SAFB: variants seen among roughly 807,000 people sequenced by gnomAD.
SAFB encodes scaffold attachment factor B1.
SAFB carries 15 observed loss-of-function variants against 101.6 expected under a neutral mutation model. That is an observed-to-expected ratio of 0.15 (90% confidence interval 0.10 to 0.23). The LOEUF is 0.23. SAFB is among the 10% of genes least tolerant of loss of function. The probability of loss-of-function intolerance (pLI) is 1.00; values close to 1 mark genes in which losing one functional copy is unlikely to be tolerated. For missense variants in SAFB, 930 were observed against 1,104.1 expected (o/e 0.84, Z 2.23); for synonymous variants, 449 against 407.5 (o/e 1.10, Z -1.23).
chr19:5,634,763 CCAAAAGAT>C (rs777288290), intron 2 of SAFB, among the ~76,000 whole-genome samples: 16 of 152,220 alleles, frequency 1.1e-4, no homozygotes, highest in South Asian at 2.1e-4. Context: ...GGCCTAGAGA[CCAAAAGAT>C]TCCCTTGCTG....
intron 15 of SAFB, among the ~76,000 whole-genome samples, chr19:5,663,098 G>A (rs1037663052): frequency 3.3e-5 from 5 of 152,216 alleles, no homozygotes; most frequent in Admixed American, 2.6e-4. Context: ...CGCCTCCTGG[G>A]TTCAAGCAAT....
At chr19:5,633,554 C>T (rs557703225) in intron 2 of SAFB, among the ~76,000 whole-genome samples, 7 of 152,120 alleles carry the variant, frequency 4.6e-5, no homozygotes, top group Non-Finnish European at 1.0e-4. Context: ...CCGAGGCAGG[C>T]GGATCATGAG....
At position 5,667,151 on chromosome 19, in the gene SAFB, C is replaced by A; in HGVS notation, c.2440C>A (p.Pro814Thr). Reference protein sequence around the residue: ...DKRMSEGRGLPPPPRGRRDWG... With the variant: ...DKRMSEGRGLTPPPRGRRDWG... ...GAGGATGAGCGAGGGCCGGGGGCTG[C>A]CTCCTCCCCCCAGGTTTGTGTCCCA... The change falls in exon 18 of 21, where the codon CCT becomes ACT. Residue 814 changes from proline (P) to threonine (T), a missense_variant. By Grantham distance (38) the Pro-to-Thr change is conservative. Transcript: ENST00000588852. The surrounding 1 kb of genome is among the most constrained non-coding windows in gnomAD (Gnocchi z 4.0). 1 of 1,590,966 alleles carries A rather than the reference C, an allele frequency of 6.3e-7. No homozygotes were observed. Among genetic ancestry groups the A allele is most frequent in the Non-Finnish European group, 8.6e-7 (1 of 1,161,276 alleles).
chr19:5,649,809 T>C, intron 7 of SAFB, 117 bp from the exon 8 acceptor site: 1 of 939,436 alleles, frequency 1.1e-6, no homozygotes, highest in Non-Finnish European at 1.7e-6. Context: ...TGTCGGGGTA[T>C]CATTTTTTCA....
chr19:5,642,564 A>G (rs2053740721), intron 4 of SAFB, among the ~76,000 whole-genome samples: 1 of 151,858 alleles, frequency 6.6e-6, no homozygotes, highest in Admixed American at 6.6e-5. Context: ...TTTTCCTGTT[A>G]GAAACATATC....
rs1195499583 is a variant in SAFB at position 5,623,192 on chromosome 19, C to T, written c.-14C>T. ...GTTCTGTGGAAAGTGGGCGGCGGAG[C>T]CAGGGTCCCTGGAATGGCGGAGACT... On this transcript the variant is annotated 5_prime_UTR_variant, in exon 1 of 21. Coordinates refer to ENST00000588852, the MANE Select transcript of SAFB (RefSeq NM_001201338.2). 1.3e-6 allele frequency: 2 copies of T among 1,569,010 alleles called. No homozygotes were observed. The highest frequency in any genetic ancestry group is 2.4e-5 in the East Asian group (1 of 41,790).
intron 2 of SAFB, among the ~76,000 whole-genome samples, chr19:5,632,049 G>T (rs989122769): frequency 1.4e-4 from 22 of 151,958 alleles, no homozygotes. Flanking sequence ...ACTCTGTCTC[G>T]AAAAAATAAA....
intron 14 of SAFB, among the ~76,000 whole-genome samples, chr19:5,660,480 C>A (rs1246163984): frequency 6.6e-6 from 1 of 150,896 alleles, no homozygotes; most frequent in Non-Finnish European, 1.5e-5. Flanking sequence ...CCTCTGCCTC[C>A]CAAGTAGCTA....
chr19:5,629,489 C>T (rs575427691), intron 2 of SAFB, among the ~76,000 whole-genome samples: 6 of 152,092 alleles, frequency 3.9e-5, no homozygotes, highest in Middle Eastern at 3.4e-3. Flanking sequence ...TAAAAAAACC[C>T]GTGATCTTGC....
intron 1 of SAFB, among the ~76,000 whole-genome samples, chr19:5,624,316 TGCCTGGCGCATGTAAAC>T (rs2053290782): frequency 1.3e-5 from 2 of 151,952 alleles, no homozygotes; most frequent in Admixed American, 1.3e-4. Context: ...CTTGGCGTGC[TGCCTGGCGCATGTAAAC>T]ACTCGGTGTG....
intron 2 of SAFB, among the ~76,000 whole-genome samples, chr19:5,640,515 G>C (rs1397400498): frequency 6.6e-6 from 1 of 151,786 alleles, no homozygotes; most frequent in Non-Finnish European, 1.5e-5. Context: ...ACAAGTGCAC[G>C]AGATTGGCAC....
At chr19:5,643,024 G>A (rs1766321458) in intron 4 of SAFB, among the ~76,000 whole-genome samples, 2 of 152,014 alleles carry the variant, frequency 1.3e-5, no homozygotes, top group African/African-American at 2.4e-5. Flanking sequence ...ATTTTCAGTT[G>A]AGGAAATTGG....
intron 2 of SAFB, among the ~76,000 whole-genome samples, chr19:5,628,689 CCAGTGTCAGCCA>C (rs1211854067): frequency 6.6e-6 from 1 of 152,096 alleles, no homozygotes; most frequent in African/African-American, 2.4e-5. Flanking sequence ...GAGTCAGGCC[CCAGTGTCAGCCA>C]CAGTGTTTGG....
intron 9 of SAFB, among the ~76,000 whole-genome samples, chr19:5,652,633 AAC>A (rs1237637539): frequency 1.3e-5 from 2 of 152,218 alleles, no homozygotes; most frequent in Admixed American, 6.5e-5. Context: ...CAGTAACTGA[AAC>A]ACATCACTGC....
At chr19:5,647,923 T>A (rs1027141668) in intron 5 of SAFB, 93 bp from the exon 6 acceptor site, 2 of 1,202,636 alleles carry the variant, frequency 1.7e-6, no homozygotes, top group Non-Finnish European at 2.5e-6. Context: ...CCTGGATTTT[T>A]AAAATTCCCT....
At chr19:5,635,992 T>G (rs1432908004) in intron 2 of SAFB, among the ~76,000 whole-genome samples, 4 of 152,104 alleles carry the variant, frequency 2.6e-5, no homozygotes, top group African/African-American at 7.2e-5. Flanking sequence ...TCGTGATGAT[T>G]AATAAACATT....
intron 2 of SAFB, among the ~76,000 whole-genome samples, chr19:5,635,661 C>T (rs1398917627): frequency 1.3e-5 from 2 of 152,122 alleles, no homozygotes; most frequent in Admixed American, 6.6e-5. Flanking sequence ...GGGAGCATCC[C>T]AGCAGAAGTC....
intron 5 of SAFB, among the ~76,000 whole-genome samples, chr19:5,646,616 G>A (rs950489419): frequency 1.3e-5 from 2 of 152,210 alleles, no homozygotes; most frequent in African/African-American, 4.8e-5. Context: ...ATGGGGTAGG[G>A]TACATGGGGA....
rs1409028955 is a variant in SAFB, at chr19:5,667,229, T to C, written c.2453+65T>C. On this transcript the variant is annotated intron_variant, in intron 18 of 20. Coordinates refer to ENST00000588852, the MANE Select transcript of SAFB (RefSeq NM_001201338.2). The surrounding 1 kb of genome is among the most constrained non-coding windows in gnomAD (Gnocchi z 4.0). Reference sequence around the variant, plus strand: ...GCCCACAAGGGGGCCCGCAAGTCGCTGGGATGTGGGCACAGGGTGGGAAAC... The same window carrying C: ...GCCCACAAGGGGGCCCGCAAGTCGCCGGGATGTGGGCACAGGGTGGGAAAC... The C allele has an allele frequency of 8.2e-7, 1 of 1,216,150 alleles. No individual in the cohort carries two copies. Among genetic ancestry groups the C allele is most frequent in the Non-Finnish European group, 1.2e-6 (1 of 867,818 alleles). The allele number at this position is 1,216,150 out of a possible 1,614,324, so 75.3% of individuals were successfully genotyped here. A position where few individuals can be genotyped will look rare whatever the true frequency, so the allele number is the denominator to read the frequency against.
Sources: gnomAD v4.1 joint callset for allele counts (sites outside exome capture counted in the v4.1 genomes callset) on GRCh38, gnomAD v4.1.1 for gene constraint, Gnocchi (gnomAD v3.1) non-coding constraint, MANE v1.5 for transcripts, NCBI Gene and HGNC (gene_info 2026-07-23, HGNC 2026-07-21) for gene names.